HIP1: variants seen among roughly 807,000 people sequenced by gnomAD.
HIP1 encodes the protein huntingtin interacting protein 1.
Under a neutral mutation model 147.6 loss-of-function variants are expected in HIP1, and 65 were observed. That is an observed-to-expected ratio of 0.44 (90% CI 0.36 to 0.54). The LOEUF (loss-of-function observed/expected upper bound fraction) is 0.54, where lower values mean the gene tolerates loss of function less well. Ranked by LOEUF, HIP1 falls within the 20% of genes least tolerant of loss-of-function variation. The probability of loss-of-function intolerance (pLI) is 0.00; values close to 1 mark genes in which losing one functional copy is unlikely to be tolerated. For missense variants in HIP1, 1,061 were observed against 1,299.6 expected, an observed-to-expected ratio of 0.82 and a Z score of 2.82; for synonymous variants, 479 against 504.0, an observed-to-expected ratio of 0.95 and a Z score of 0.67.
At position 75,738,808 on chromosome 7, in the gene HIP1, C is replaced by G. The variant is rs548234973; in HGVS notation, c.113G>C (p.Arg38Pro). 1.9e-6 allele frequency: 3 copies of G among 1,601,882 alleles called. No homozygotes were observed. Among genetic ancestry groups the G allele is most frequent in the Admixed American group, 1.7e-5 (1 of 59,208 alleles). The change falls in exon 1 of 31, where the codon CGG becomes CCG. Residue 38 changes from arginine to proline, a missense_variant. Arg to Pro is a moderately radical substitution (Grantham distance 103). Transcript: ENST00000336926. ...LEAAERESFE[R>P]TQTVSINKAI... is the part of the protein sequence containing the mutation. The stretch of plus-strand genomic sequence containing the variant: ...GGGGTCCCCCGTCCTCACCTGAGTC[C>G]GCTCGAAGCTCTCGCGCTCCGCCGC...
chr7:75,639,352 C>T (rs1464245577), intron 1 of HIP1: 48 of 244,838 alleles, frequency 2.0e-4, no homozygotes, highest in African/African-American at 1.0e-3. Flanking sequence ...GAGACCGGCG[C>T]GCCCGAGCCC....
intron 1 of HIP1, among the ~76,000 whole-genome samples, chr7:75,670,656 C>T (rs1799704364): frequency 6.6e-6 from 1 of 151,894 alleles, no homozygotes; most frequent in Admixed American, 6.6e-5. Context: ...GTCAGTCAGA[C>T]TGGATGGAGT....
At chr7:75,611,789 A>G in intron 1 of HIP1, 1 of 1,036,984 alleles carries the variant, frequency 9.6e-7, no homozygotes, top group Non-Finnish European at 1.2e-6. Flanking sequence ...ATTGTCCACC[A>G]CTTCCTGACC....
intron 1 of HIP1, among the ~76,000 whole-genome samples, chr7:75,692,593 T>A (rs1324579131): frequency 1.3e-5 from 2 of 151,096 alleles, no homozygotes; most frequent in Non-Finnish European, 2.9e-5. Context: ...GCCAATTTTT[T>A]TTTTTTTTGT....
intron 1 of HIP1, among the ~76,000 whole-genome samples, chr7:75,735,443 G>T (rs1801986466): frequency 6.6e-6 from 1 of 152,080 alleles, no homozygotes; most frequent in Admixed American, 6.6e-5. Context: ...TTAGAATACT[G>T]CCAAACACAA....
At chr7:75,649,796 C>T (rs1411582197) in intron 1 of HIP1, among the ~76,000 whole-genome samples, 1 of 152,186 alleles carries the variant, frequency 6.6e-6, no homozygotes. Flanking sequence ...TACTGCTTCT[C>T]CTACACGGGG....
chr7:75,664,579 C>CAT (rs1475992233), intron 1 of HIP1, among the ~76,000 whole-genome samples: 1 of 146,516 alleles, frequency 6.8e-6, no homozygotes, highest in Admixed American at 7.2e-5. Flanking sequence ...CGTATACATA[C>CAT]ATATATATAT....
At chr7:75,731,839 C>G (rs1801846682) in intron 1 of HIP1, among the ~76,000 whole-genome samples, 1 of 152,166 alleles carries the variant, frequency 6.6e-6, no homozygotes, top group Non-Finnish European at 1.5e-5. Flanking sequence ...CGGTCACCAT[C>G]TTGATTGCAC....
intron 4 of HIP1, among the ~76,000 whole-genome samples, chr7:75,589,623 C>T (rs1445404117): frequency 8.5e-6 from 1 of 118,006 alleles, no homozygotes; most frequent in African/African-American, 3.3e-5. Flanking sequence ...GCGAAGGGTG[C>T]AGTGAGCTGA....
chr7:75,630,187 A>G (rs1798166953), intron 1 of HIP1, among the ~76,000 whole-genome samples: 1 of 152,048 alleles, frequency 6.6e-6, no homozygotes, highest in Non-Finnish European at 1.5e-5. Flanking sequence ...AAGCCAGCAC[A>G]GTGGCTCATG....
intron 1 of HIP1, among the ~76,000 whole-genome samples, chr7:75,679,353 A>G (rs1799990288): frequency 6.6e-6 from 1 of 152,046 alleles, no homozygotes; most frequent in Non-Finnish European, 1.5e-5. Flanking sequence ...ACAGGCATGC[A>G]CCAGCACGCC....
intron 1 of HIP1, among the ~76,000 whole-genome samples, chr7:75,643,609 CA>C (rs1467402123): frequency 6.6e-6 from 1 of 152,078 alleles, no homozygotes; most frequent in Non-Finnish European, 1.5e-5. Context: ...AGGGTTAGTC[CA>C]AAGGTTCTGT....
chr7:75,669,868 C>A (rs1799682672), intron 1 of HIP1, among the ~76,000 whole-genome samples: 1 of 152,158 alleles, frequency 6.6e-6, no homozygotes, highest in Non-Finnish European at 1.5e-5. Context: ...ATGGCACGAT[C>A]TCGGCTCACT....
chr7:75,562,165 T>C lies in HIP1; in HGVS notation c.1026A>G (p.Leu342=), dbSNP rs781985767. 6.2e-6 allele frequency: 10 copies of C among 1,611,288 alleles called. No homozygotes were observed. Among genetic ancestry groups the C allele is most frequent in the Middle Eastern group, 1.6e-4 (1 of 6,080 alleles). The change falls in exon 12 of 31, where the codon TTA becomes TTG. Residue 342 remains leucine, a synonymous_variant. Coordinates refer to ENST00000336926, the MANE Select transcript of HIP1 (RefSeq NM_005338.7). ...AGATGTCATCAAACTTGTTGTCAAA[T>C]AAATTCTGTGGTTGACCAAAAAGGA... The part of the protein sequence containing the change: ...LMDMDASQQN[L]FDNKFDDIFG...
At chr7:75,633,852 A>T (rs1798327831) in intron 1 of HIP1, among the ~76,000 whole-genome samples, 1 of 152,202 alleles carries the variant, frequency 6.6e-6, no homozygotes, top group East Asian at 1.9e-4. Context: ...AGAACATCTG[A>T]AATACCTTCT....
chr7:75,672,208 A>G (rs1554515410), intron 1 of HIP1, among the ~76,000 whole-genome samples: 1 of 152,024 alleles, frequency 6.6e-6, no homozygotes, highest in Non-Finnish European at 1.5e-5. Flanking sequence ...TTTGAACTGA[A>G]TTTTATTTTT....
chr7:75,624,571 G>A (rs953171789), intron 1 of HIP1, among the ~76,000 whole-genome samples: 8 of 152,272 alleles, frequency 5.3e-5, no homozygotes, highest in Admixed American at 6.5e-5. Context: ...TGGCCACAAC[G>A]TCACTGGAAG....
chr7:75,537,674 TTTGGA>T lies in HIP1; in HGVS notation c.*493_*497del. The T allele has an allele frequency of 1.4e-4, 33 of 235,546 alleles. No individual in the cohort carries two copies. Among genetic ancestry groups the T allele is most frequent in the South Asian group, 1.0e-3 (6 of 5,866 alleles). 14.6% of individuals were successfully genotyped at this position (235,546 alleles called of 1,614,324 possible). On this transcript the variant is annotated 3_prime_UTR_variant, in exon 31 of 31. Coordinates refer to ENST00000336926, the MANE Select transcript of HIP1 (RefSeq NM_005338.7). The stretch of plus-strand genomic sequence containing the variant: ...TGCAGATCTCAGGGTAGTGTCCTGG[TTTGGA>T]ATCCATCAGCCCTCTGATGCTCACA...
chr7:75,560,329 G>T lies in HIP1; in HGVS notation c.1192-414C>A, dbSNP rs1795184382. 2.0e-5 allele frequency among the ~76,000 whole-genome samples: 3 copies of T among 151,968 alleles called. No individual in the cohort carries two copies. The South Asian group carries it at 6.2e-4, about 32-fold the overall frequency. On this transcript the variant is annotated intron_variant, in intron 13 of 30. Transcript: ENST00000336926. ...AGTGAGGTGATTATGGCTCACTGCAGCCTCAACCTCCTAGGCTCAAGAGAT... is the reference window on the plus strand; with the variant it reads ...AGTGAGGTGATTATGGCTCACTGCATCCTCAACCTCCTAGGCTCAAGAGAT...
Sources: gnomAD v4.1 joint callset for allele counts (sites outside exome capture counted in the v4.1 genomes callset) on GRCh38, gnomAD v4.1.1 for gene constraint, MANE v1.5 for transcripts, NCBI Gene and HGNC (gene_info 2026-07-23, HGNC 2026-07-21) for gene names.